Variants in IWS1 observed in about 807,000 individuals in gnomAD.
The protein encoded by IWS1 is interacts with SUPT6H, CTD assembly factor 1.
Under a neutral mutation model 86.7 loss-of-function variants are expected in IWS1, and 27 were observed. The observed-to-expected ratio is 0.31, with a 90% CI of 0.23 to 0.43. The LOEUF (loss-of-function observed/expected upper bound fraction) is 0.43, where lower values mean the gene tolerates loss of function less well. Ranked by LOEUF, IWS1 falls within the 20% of genes least tolerant of loss-of-function variation. The probability of loss-of-function intolerance (pLI) is 1.00; values close to 1 mark genes in which losing one functional copy is unlikely to be tolerated. For missense variants in IWS1, 827 were observed against 1,000.8 expected, an observed-to-expected ratio of 0.83 and a Z score of 2.34; for synonymous variants, 313 against 335.1, an observed-to-expected ratio of 0.93 and a Z score of 0.72.
Position 127,505,297 on chromosome 2 carries a change from C to T in IWS1, c.606G>A (p.Glu202=). The change falls in exon 3 of 14, where the codon GAG becomes GAA. Residue 202 remains glutamate, a synonymous_variant. Transcript: ENST00000295321. This position sits in a 1 kb window ranked among gnomAD's most constrained non-coding sequence, Gnocchi z 5.0. Reference sequence around the variant, plus strand: ...AATCACTCATTCGAGGTTTGGGAGGCTCCTCATTTTCGGAGTCACTGGCTT... The same window carrying T: ...AATCACTCATTCGAGGTTTGGGAGGTTCCTCATTTTCGGAGTCACTGGCTT... The part of the protein sequence containing the change: ...RHQASDSENE[E]PPKPRMSDSE... 6.2e-7 allele frequency: 1 copy of T among 1,610,226 alleles called. No individual in the cohort carries two copies. The highest frequency in any genetic ancestry group is 8.5e-7 in the Non-Finnish European group (1 of 1,179,904).
intron 2 of IWS1, among the ~76,000 whole-genome samples, chr2:127,510,198 A>G (rs762991064): frequency 6.6e-6 from 1 of 152,234 alleles, no homozygotes; most frequent in Non-Finnish European, 1.5e-5. Context: ...GATATAGCTG[A>G]AACTATCATA....
rs373093777 is a variant in IWS1, at chr2:127,503,588, G to C, written c.1220-12C>G. Reference sequence around the variant, plus strand: ...ACTCTTCTTTGCTGCTGTTGAAAAAGAAAATCATCATTAATTTTATTTTAT... The same window carrying C: ...ACTCTTCTTTGCTGCTGTTGAAAAACAAAATCATCATTAATTTTATTTTAT... On this transcript the variant is annotated splice_polypyrimidine_tract_variant and intron_variant, in intron 3 of 13. Coordinates refer to ENST00000295321, the MANE Select transcript of IWS1 (RefSeq NM_017969.3). 7 of 1,549,692 alleles carry C rather than the reference G, an allele frequency of 4.5e-6. No homozygotes were observed. Among genetic ancestry groups the C allele is most frequent in the Non-Finnish European group, 6.1e-6 (7 of 1,145,560 alleles).
intron 13 of IWS1, chr2:127,482,554 A>G (rs1010455737): frequency 2.6e-5 from 4 of 152,236 alleles, no homozygotes; most frequent in South Asian, 2.1e-4. Context: ...CTTGGTCCAC[A>G]TCGGAAGCTT....
intron 2 of IWS1, among the ~76,000 whole-genome samples, chr2:127,518,662 T>C (rs534142725): frequency 1.1e-4 from 16 of 148,622 alleles, no homozygotes; most frequent in African/African-American, 3.5e-4. Context: ...GCCTCCCAGG[T>C]ACAAGTGATT....
chr2:127,518,399 T>G (rs1469565489), intron 2 of IWS1, among the ~76,000 whole-genome samples: 1 of 152,072 alleles, frequency 6.6e-6, no homozygotes, highest in Non-Finnish European at 1.5e-5. Context: ...GCCTGTGGTC[T>G]CAGCTACTTG....
At chr2:127,491,620 T>C (rs1270317237) in intron 10 of IWS1, among the ~76,000 whole-genome samples, 1 of 152,142 alleles carries the variant, frequency 6.6e-6, no homozygotes, top group Non-Finnish European at 1.5e-5. Flanking sequence ...ATTTTTTGTA[T>C]TTTTAGTAGA....
intron 2 of IWS1, among the ~76,000 whole-genome samples, chr2:127,508,019 GA>G (rs1394683194): frequency 1.3e-5 from 2 of 152,062 alleles, no homozygotes; most frequent in African/African-American, 4.8e-5. Context: ...TCCAAAACTC[GA>G]AAAAATTCTA....
chr2:127,509,776 C>A (rs1383942015), intron 2 of IWS1, among the ~76,000 whole-genome samples: 1 of 147,272 alleles, frequency 6.8e-6, no homozygotes, highest in Non-Finnish European at 1.5e-5. Flanking sequence ...ATCATTCACA[C>A]TGCAGTTATA....
chr2:127,511,209 T>C (rs1027447310), intron 2 of IWS1: 1 of 152,196 alleles, frequency 6.6e-6, no homozygotes, highest in South Asian at 2.1e-4. Flanking sequence ...ATGTGACAGT[T>C]AAGGCTGTGG....
intron 6 of IWS1, 101 bp from the exon 7 acceptor site, chr2:127,496,249 A>C: frequency 2.4e-6 from 3 of 1,224,776 alleles, no homozygotes; most frequent in Non-Finnish European, 3.4e-6. Context: ...TTCTAACTCA[A>C]TGAAGTGCTA....
At chr2:127,493,729 C>G (rs1405260685) in intron 8 of IWS1, among the ~76,000 whole-genome samples, 2 of 146,222 alleles carry the variant, frequency 1.4e-5, no homozygotes, top group African/African-American at 2.5e-5. Context: ...AAAAAAAAAA[C>G]GTTCAATCTA....
At chr2:127,502,023 A>G (rs1690849154) in intron 5 of IWS1, among the ~76,000 whole-genome samples, 1 of 151,482 alleles carries the variant, frequency 6.6e-6, no homozygotes, top group African/African-American at 2.4e-5. Context: ...TAGAGCCCTA[A>G]GTCTATTACT....
rs144985459 is a variant in IWS1, at chr2:127,505,834, A to ATT, written c.151-84_151-83dup. ...AATAAAACATTAAATTTTTTCTGTGATTTTTTTAAAATACAGGATTATGTG... is the reference window on the plus strand; with the variant it reads ...AATAAAACATTAAATTTTTTCTGTGATTTTTTTTTAAAATACAGGATTATGTG... On this transcript the variant is annotated intron_variant, in intron 2 of 13. Transcript: ENST00000295321. This position sits in a 1 kb window ranked among gnomAD's most constrained non-coding sequence, Gnocchi z 5.0. 15 of 959,802 alleles carry ATT rather than the reference A, an allele frequency of 1.6e-5. No homozygotes were observed. The highest frequency in any genetic ancestry group is 1.1e-4 in the South Asian group (6 of 54,256). The allele number at this position is 959,802 out of a possible 1,614,324, so 59.5% of individuals were successfully genotyped here. A position where few individuals can be genotyped will look rare whatever the true frequency, so the allele number is the denominator to read the frequency against.
rs762880539 is a variant in IWS1, at chr2:127,481,002, C to T, written c.*42G>A. ...TCTTCTTTCTCCAAAGAGTCCATTG[C>T]GCATTTCTTAGAGTAGAGATGGGGA... On this transcript the variant is annotated 3_prime_UTR_variant, in exon 14 of 14. Transcript: ENST00000295321. The T allele has an allele frequency of 9.5e-6, 15 of 1,571,184 alleles. No individual in the cohort carries two copies. The highest frequency in any genetic ancestry group is 4.5e-5 in the East Asian group (2 of 44,106).
chr2:127,515,635 C>T (rs1347823056), intron 2 of IWS1, among the ~76,000 whole-genome samples: 1 of 152,178 alleles, frequency 6.6e-6, no homozygotes, highest in Non-Finnish European at 1.5e-5. Flanking sequence ...CTCTACCGAC[C>T]TCCCCAGTGA....
intron 9 of IWS1, 58 bp downstream of exon 9, chr2:127,493,223 G>C: frequency 6.7e-7 from 1 of 1,499,474 alleles, no homozygotes; most frequent in East Asian, 2.3e-5. Flanking sequence ...CACAGGTTAT[G>C]ACCATACAGA....
At chr2:127,524,624 C>A (rs151317953) in intron 1 of IWS1, among the ~76,000 whole-genome samples, 1 of 151,356 alleles carries the variant, frequency 6.6e-6, no homozygotes, top group Non-Finnish European at 1.5e-5. Context: ...CTGCAACCTC[C>A]ACCCCCCCGG....
chr2:127,526,758 T>C (rs1692445914), upstream of IWS1: 2 of 1,093,620 alleles, frequency 1.8e-6, no homozygotes, highest in Non-Finnish European at 2.5e-6. Context: ...TTCCGAAAAA[T>C]GAAGACCTGC....
intron 8 of IWS1, among the ~76,000 whole-genome samples, chr2:127,493,653 G>C (rs892672772): frequency 6.6e-6 from 1 of 151,226 alleles, no homozygotes; most frequent in Non-Finnish European, 1.5e-5. Flanking sequence ...AGTTACACAA[G>C]ATAAATTAAT....
Sources: allele counts gnomAD v4.1 joint callset (sites outside exome capture counted in the v4.1 genomes callset), GRCh38; gene constraint gnomAD v4.1.1; non-coding constraint Gnocchi (gnomAD v3.1); transcripts MANE v1.5; gene names NCBI Gene and HGNC (gene_info 2026-07-23, HGNC 2026-07-21).